The following KMO variants were observed in gnomAD, a reference collection of about 807,000 sequenced individuals.
KMO encodes the protein kynurenine 3-monooxygenase.
KMO carries 24 observed loss-of-function variants against 57.8 expected under a neutral mutation model. The ratio of observed to expected loss-of-function variants is 0.42; its 90% confidence interval spans 0.30 to 0.58. The LOEUF (loss-of-function observed/expected upper bound fraction) is 0.58, where lower values mean the gene tolerates loss of function less well. Ranked by LOEUF, KMO falls within the 20% of genes least tolerant of loss-of-function variation. The pLI is 0.22. For synonymous variants in KMO, 210 were observed against 193.6 expected (o/e 1.08, Z -0.70); for missense variants, 483 against 588.2 (o/e 0.82, Z 1.85).
In KMO at chr1:241,574,542, T is replaced by TA. The variant is rs1553349704; in HGVS notation, c.957+5897dup. 2.0e-3 allele frequency among the ~76,000 whole-genome samples: 306 copies of TA among 151,928 alleles called. 2 individuals are homozygous for TA. Among genetic ancestry groups the TA allele is most frequent in the African/African-American group, 6.5e-3 (270 of 41,524 alleles). ...AGAGATGATCATATGGTTTTTTTTT[T>TA]AATTCTGTTTATGTGATGTATCACA... On this transcript the variant is annotated intron_variant, in intron 10 of 14. Coordinates refer to ENST00000366559, the MANE Select transcript of KMO (RefSeq NM_003679.5).
intron 1 of KMO, among the ~76,000 whole-genome samples, chr1:241,544,498 G>A (rs920214564): frequency 6.6e-6 from 1 of 152,086 alleles, no homozygotes; most frequent in African/African-American, 2.4e-5. Context: ...GCTACCACAG[G>A]CCCTTCTAGA....
chr1:241,555,176 T>G (rs1422929518), intron 4 of KMO, among the ~76,000 whole-genome samples: 1 of 152,062 alleles, frequency 6.6e-6, no homozygotes, highest in Non-Finnish European at 1.5e-5. Flanking sequence ...CACACACACT[T>G]TTTACATTGA....
intron 1 of KMO, among the ~76,000 whole-genome samples, chr1:241,532,709 T>C (rs780946280): frequency 1.3e-5 from 2 of 152,172 alleles, no homozygotes; most frequent in Non-Finnish European, 2.9e-5. Context: ...TCAGGAAAGG[T>C]ATTTTATAGC....
At chr1:241,549,256 A>AGTTG (rs369081687) in intron 2 of KMO, among the ~76,000 whole-genome samples, 1 of 114,808 alleles carries the variant, frequency 8.7e-6, no homozygotes, top group Admixed American at 9.3e-5. Context: ...AAAGAAAGAA[A>AGTTG]GAAAGAAAGA....
chr1:241,554,816 C>A (rs1000549136), intron 4 of KMO, among the ~76,000 whole-genome samples: 383 of 117,938 alleles, frequency 3.2e-3, no homozygotes, highest in Non-Finnish European at 3.7e-3. Flanking sequence ...ACTAAAAATA[C>A]AAAAAAAAAA....
chr1:241,558,489 A>G (rs139740627), intron 5 of KMO, among the ~76,000 whole-genome samples: 14 of 152,326 alleles, frequency 9.2e-5, no homozygotes, highest in African/African-American at 3.1e-4. Context: ...TTGTTGCTAC[A>G]TGATTTCCCT....
At position 241,594,020 on chromosome 1, in the gene KMO, CA is replaced by C. The variant is rs1221468383; in HGVS notation, c.*1875del. ...TGACACTGAATAGAGTCCAACAGTA[CA>C]AAAAAAATTCAGTATGTTCTAGCTA... is the stretch of plus-strand genomic sequence containing the variant. On this transcript the variant is annotated 3_prime_UTR_variant, in exon 15 of 15. Coordinates refer to ENST00000366559, the MANE Select transcript of KMO (RefSeq NM_003679.5). 4.0e-5 allele frequency: 7 copies of C among 174,382 alleles called. No individual in the cohort carries two copies. Among genetic ancestry groups the C allele is most frequent in the South Asian group, 2.9e-4 (2 of 6,874 alleles). 10.8% of individuals were successfully genotyped at this position (174,382 alleles called of 1,614,324 possible).
chr1:241,547,155 A>G (rs138599727), intron 1 of KMO, among the ~76,000 whole-genome samples: 3,077 of 152,320 alleles, frequency 0.02, 40 homozygotes, highest in Non-Finnish European at 0.033. Flanking sequence ...CTTTAAAAAG[A>G]CAAGAGATCA....
In KMO at chr1:241,565,763, A is replaced by G. The variant is rs529943073; in HGVS notation, c.687+705A>G. Among the ~76,000 whole-genome samples the G allele has an allele frequency of 5.3e-5, 8 of 152,158 alleles. No homozygotes were observed. In the South Asian group the frequency reaches 1.5e-3, roughly 28 times the overall value. ...CATGGCTTTTCTTTCATTAGACCCTAGAGACTTTTTTCCTAGGTAGATATA... is the reference window on the plus strand; with the variant it reads ...CATGGCTTTTCTTTCATTAGACCCTGGAGACTTTTTTCCTAGGTAGATATA... On this transcript the variant is annotated intron_variant, in intron 8 of 14. Transcript: ENST00000366559.
rs1663362121 is a variant in KMO at position 241,592,778 on chromosome 1, C to CTATCTATCTATCTATCTATCTA, written c.*646_*647insATATCTATCTATCTATCTATCT. 1 of 148,580 alleles carries CTATCTATCTATCTATCTATCTA rather than the reference C, an allele frequency of 6.7e-6. No individual in the cohort carries two copies. The highest frequency in any genetic ancestry group is 2.1e-4 in the East Asian group (1 of 4,794). 9.2% of individuals were successfully genotyped at this position (148,580 alleles called of 1,614,324 possible). On this transcript the variant is annotated 3_prime_UTR_variant, in exon 15 of 15. Coordinates refer to ENST00000366559, the MANE Select transcript of KMO (RefSeq NM_003679.5). ...ATCATCTATCTATCTATCTATCTAT[C>CTATCTATCTATCTATCTATCTA]TATCTATCTATCTATCTATCTCTAT...
intron 4 of KMO, among the ~76,000 whole-genome samples, chr1:241,552,148 C>CTG (rs1291671526): frequency 2.8e-5 from 4 of 144,420 alleles, no homozygotes; most frequent in African/African-American, 7.8e-5. Context: ...ACCACCTTGT[C>CTG]TGTGTGTGTG....
chr1:241,548,454 GC>G (rs1445352844), intron 1 of KMO, among the ~76,000 whole-genome samples: 1 of 152,006 alleles, frequency 6.6e-6, no homozygotes. Flanking sequence ...GAGGAATGAC[GC>G]TATTCTACTT....
chr1:241,549,258 A>AAAGG (rs1661293460), intron 2 of KMO, among the ~76,000 whole-genome samples: 1 of 142,020 alleles, frequency 7.0e-6, no homozygotes, highest in East Asian at 2.0e-4. Flanking sequence ...AGAAAGAAAG[A>AAAGG]AAGAAAGAAA....
chr1:241,549,430 T>C (rs1337489681), intron 2 of KMO, among the ~76,000 whole-genome samples: 5 of 152,106 alleles, frequency 3.3e-5, no homozygotes, highest in Admixed American at 2.6e-4. Flanking sequence ...TCTTTAGATT[T>C]TCTGAACTTA....
rs971543159 is a variant in KMO, at chr1:241,592,211, A to G, written c.*58A>G. 1 of 1,344,518 alleles carries G rather than the reference A, an allele frequency of 7.4e-7. No homozygotes were observed. Among genetic ancestry groups the G allele is most frequent in the African/African-American group, 1.4e-5 (1 of 69,222 alleles). 83.3% of individuals were successfully genotyped at this position (1,344,518 alleles called of 1,614,324 possible). A position where few individuals can be genotyped will look rare whatever the true frequency, so the allele number is the denominator to read the frequency against. On this transcript the variant is annotated 3_prime_UTR_variant, in exon 15 of 15. Transcript: ENST00000366559. ...TCTCTGTGACCAAAATTAAGCATGA[A>G]AAAAATGTTTCCATTGCCATATTTG...
At chr1:241,552,699 C>T (rs561145469) in intron 4 of KMO, among the ~76,000 whole-genome samples, 1 of 152,238 alleles carries the variant, frequency 6.6e-6, no homozygotes, top group Non-Finnish European at 1.5e-5. Flanking sequence ...GAAGAGACCT[C>T]GTTGTGGATG....
chr1:241,541,734 A>G (rs1345054825), intron 1 of KMO, among the ~76,000 whole-genome samples: 3 of 152,220 alleles, frequency 2.0e-5, no homozygotes, highest in Non-Finnish European at 4.4e-5. Flanking sequence ...CTAACAAAGT[A>G]TGAAGACACT....
At chr1:241,536,163 G>A (rs1461912196) in intron 1 of KMO, among the ~76,000 whole-genome samples, 1 of 151,898 alleles carries the variant, frequency 6.6e-6, no homozygotes, top group Non-Finnish European at 1.5e-5. Flanking sequence ...CTTTCAATGA[G>A]TAACTTAAAA....
chr1:241,567,409 C>T (rs1009765985), intron 9 of KMO, among the ~76,000 whole-genome samples: 3 of 152,122 alleles, frequency 2.0e-5, no homozygotes, highest in African/African-American at 7.2e-5. Flanking sequence ...TCTCTGGGGT[C>T]CCTTTTATAA....
Sources: gnomAD v4.1 joint callset for allele counts (sites outside exome capture counted in the v4.1 genomes callset) on GRCh38, gnomAD v4.1.1 for gene constraint, MANE v1.5 for transcripts, NCBI Gene and HGNC (gene_info 2026-07-23, HGNC 2026-07-21) for gene names.